Variants in PCDHA9 observed in about 807,000 individuals in gnomAD.
The protein encoded by PCDHA9 is protocadherin alpha-9.
PCDHA9 carries 62 observed loss-of-function variants against 62.0 expected under a neutral mutation model. The ratio of observed to expected loss-of-function variants is 1.00; its 90% CI spans 0.81 to 1.23. PCDHA9 has a LOEUF of 1.23. PCDHA9 is among the 50% of genes most tolerant of loss of function. The pLI, the probability that PCDHA9 is intolerant of heterozygous loss-of-function variation, is 0.00. For missense variants in PCDHA9, 1,205 were observed against 1,249.8 expected (o/e 0.96, Z 0.54); for synonymous variants, 557 against 567.6 (o/e 0.98, Z 0.27).
chr5:140,923,019 C>T (rs540025993), intron 1 of PCDHA9, among the ~76,000 whole-genome samples: 4 of 152,168 alleles, frequency 2.6e-5, no homozygotes, highest in South Asian at 2.1e-4. Context: ...ACTGCAGTTT[C>T]GGACTCTATT....
intron 2 of PCDHA9, 91 bp downstream of exon 2, chr5:140,979,098 A>C: frequency 1.3e-6 from 2 of 1,547,480 alleles, no homozygotes; most frequent in East Asian, 2.3e-5. Flanking sequence ...AGCAGCTGTC[A>C]AAACTAAAAA....
intron 1 of PCDHA9, among the ~76,000 whole-genome samples, chr5:140,963,991 A>G (rs1232646749): frequency 1.3e-5 from 2 of 152,190 alleles, no homozygotes; most frequent in Admixed American, 6.5e-5. Context: ...ATTCCTAATT[A>G]CTGTGTTCTA....
At chr5:140,869,275 G>T in intron 1 of PCDHA9, 1 of 1,613,584 alleles carries the variant, frequency 6.2e-7, no homozygotes, top group Non-Finnish European at 8.5e-7. Context: ...GGAGCTGGCG[G>T]AGCTGGTGCA....
chr5:140,906,629 C>T (rs1554192599), intron 1 of PCDHA9, among the ~76,000 whole-genome samples: 1 of 152,222 alleles, frequency 6.6e-6, no homozygotes, highest in Non-Finnish European at 1.5e-5. Context: ...CTTCAGCAAG[C>T]ACCTCAGCAG....
chr5:140,884,057 G>C lies in PCDHA9; in HGVS notation c.2394+33168G>C, dbSNP rs141156800. On this transcript the variant is annotated intron_variant, in intron 1 of 3. Transcript: ENST00000532602. ...CCACGTGGTGGCGAAGGTGCGCGCG[G>C]TGGACGCCGATTCGGGCTACAATGC... 6.2e-6 allele frequency: 10 copies of C among 1,613,422 alleles called. No homozygotes were observed. In the African/African-American group the frequency reaches 1.3e-4, roughly 22 times the overall value.
Position 140,853,567 on chromosome 5 carries a change from T to C in PCDHA9, c.2394+2678T>C. 2 of 981,210 alleles carry C rather than the reference T, an allele frequency of 2.0e-6. 1 individual carries two copies. The highest frequency in any genetic ancestry group is 3.5e-5 in the African/African-American group (2 of 56,602). The allele number at this position is 981,210 out of a possible 1,614,324, so 60.8% of individuals were successfully genotyped here. A position where few individuals can be genotyped will look rare whatever the true frequency, so the allele number is the denominator to read the frequency against. On this transcript the variant is annotated intron_variant, in intron 1 of 3. Transcript: ENST00000532602. ...TAATTACTATATAGGAAAAACTAAGTTGTCACCCAATATCTTAGACACTTT... is the reference window on the plus strand; with the variant it reads ...TAATTACTATATAGGAAAAACTAAGCTGTCACCCAATATCTTAGACACTTT...
chr5:140,863,382 C>A, intron 1 of PCDHA9: 1 of 1,056,944 alleles, frequency 9.5e-7, no homozygotes. Context: ...TCACCGAGAG[C>A]TCGTGCATGC....
chr5:140,996,175 C>T (rs1296990069), intron 3 of PCDHA9, among the ~76,000 whole-genome samples: 2 of 152,336 alleles, frequency 1.3e-5, no homozygotes, highest in Middle Eastern at 3.4e-3. Flanking sequence ...GTGCTGACAG[C>T]ACCTCCATTT....
At chr5:140,937,798 G>A (rs782138454) in intron 1 of PCDHA9, among the ~76,000 whole-genome samples, 1 of 151,676 alleles carries the variant, frequency 6.6e-6, no homozygotes, top group African/African-American at 2.4e-5. Flanking sequence ...TGTAGTCCCA[G>A]CTACTCGGGA....
intron 1 of PCDHA9, chr5:140,867,533 T>C (rs2050017163): frequency 6.6e-6 from 1 of 152,110 alleles, no homozygotes. Flanking sequence ...AATATATATA[T>C]AAAATATTAG....
At chr5:140,892,885 ACCAACCTTTCC>A (rs1269753589) in intron 1 of PCDHA9, among the ~76,000 whole-genome samples, 1 of 152,154 alleles carries the variant, frequency 6.6e-6, no homozygotes, top group Non-Finnish European at 1.5e-5. Flanking sequence ...GTATCCATTA[ACCAACCTTTCC>A]CCATCCTCCT....
intron 1 of PCDHA9, chr5:140,853,653 C>G: frequency 3.0e-6 from 3 of 988,604 alleles, no homozygotes; most frequent in Non-Finnish European, 3.7e-6. Flanking sequence ...TGAGCCTGTT[C>G]CAGACAAATT....
At chr5:140,935,047 A>G (rs782161261) in intron 1 of PCDHA9, among the ~76,000 whole-genome samples, 11 of 152,140 alleles carry the variant, frequency 7.2e-5, no homozygotes, top group Admixed American at 3.3e-4. Flanking sequence ...GATTTCTGGT[A>G]TTACAAGATG....
At chr5:140,858,063 G>T in intron 1 of PCDHA9, 1 of 1,597,700 alleles carries the variant, frequency 6.3e-7, no homozygotes, top group Non-Finnish European at 8.6e-7. Flanking sequence ...GTGGAGGGCA[G>T]CCAGGCACCC....
chr5:141,005,489 G>A (rs1336877426), intron 3 of PCDHA9, among the ~76,000 whole-genome samples: 3 of 151,788 alleles, frequency 2.0e-5, no homozygotes, highest in Non-Finnish European at 4.4e-5. Context: ...GGATCATGAG[G>A]TCAGGAGATC....
At chr5:140,948,013 A>G (rs1214834981) in intron 1 of PCDHA9, among the ~76,000 whole-genome samples, 7 of 89,982 alleles carry the variant, frequency 7.8e-5, no homozygotes, top group Admixed American at 5.3e-4. Context: ...TTTAGGAAGT[A>G]CCCTTTCTGG....
chr5:140,895,225 G>A (rs1472993401), intron 1 of PCDHA9, among the ~76,000 whole-genome samples: 1 of 152,050 alleles, frequency 6.6e-6, no homozygotes, highest in African/African-American at 2.4e-5. Flanking sequence ...ATTTTACTGA[G>A]TTTTCTCATC....
intron 3 of PCDHA9, among the ~76,000 whole-genome samples, chr5:141,009,108 A>G (rs529319870): frequency 5.3e-5 from 8 of 152,346 alleles, no homozygotes; most frequent in African/African-American, 1.9e-4. Context: ...TGTTACTATG[A>G]AACTAGATTC....
chr5:140,929,352 C>T (rs782815841), intron 1 of PCDHA9: 8 of 1,526,758 alleles, frequency 5.2e-6, no homozygotes, highest in Admixed American at 2.1e-5. Flanking sequence ...GAATTTGATT[C>T]CTTTGGCCCG....
Sources: gnomAD v4.1 joint callset for allele counts (sites outside exome capture counted in the v4.1 genomes callset) on GRCh38, gnomAD v4.1.1 for gene constraint, MANE v1.5 for transcripts, NCBI Gene and HGNC (gene_info 2026-07-23, HGNC 2026-07-21) for gene names.